The following TMEM150C variants were observed in gnomAD, a reference collection of about 807,000 sequenced individuals.
TMEM150C encodes the protein transmembrane protein 150C, also known as tentonin 3.
TMEM150C carries 10 observed loss-of-function variants against 29.9 expected under a neutral mutation model. The ratio of observed to expected loss-of-function variants is 0.33; its 90% CI spans 0.21 to 0.57. The LOEUF is 0.57. TMEM150C is among the 20% of genes least tolerant of loss of function. The pLI is 0.88. For missense variants in TMEM150C, 251 were observed against 303.6 expected (o/e 0.83, Z 1.29); for synonymous variants, 101 against 112.5 (o/e 0.90, Z 0.64).
intron 1 of TMEM150C, among the ~76,000 whole-genome samples, chr4:82,522,815 G>A (rs1222190952): frequency 6.6e-6 from 1 of 152,220 alleles, no homozygotes; most frequent in Non-Finnish European, 1.5e-5. Context: ...AAATATAAGG[G>A]GTAAGAGGGG....
chr4:82,513,175 T>G (rs1333263494), intron 1 of TMEM150C, among the ~76,000 whole-genome samples: 1 of 152,192 alleles, frequency 6.6e-6, no homozygotes, highest in Non-Finnish European at 1.5e-5. Flanking sequence ...CGAGAGACAC[T>G]TCATACAGGA....
chr4:82,522,682 A>T (rs994956811), intron 1 of TMEM150C, among the ~76,000 whole-genome samples: 2 of 152,234 alleles, frequency 1.3e-5, no homozygotes, highest in Admixed American at 6.5e-5. Context: ...GTACGGGGAC[A>T]TCTGCAATGT....
chr4:82,540,713 A>G (rs549985017), intron 1 of TMEM150C, among the ~76,000 whole-genome samples: 1 of 152,300 alleles, frequency 6.6e-6, no homozygotes, highest in East Asian at 1.9e-4. Flanking sequence ...TAATTGACAA[A>G]TAAAAGTTGT....
chr4:82,511,472 A>ATCTTTTTTTTTT (rs1724122435), intron 1 of TMEM150C, among the ~76,000 whole-genome samples: 1 of 106,390 alleles, frequency 9.4e-6, no homozygotes, highest in Non-Finnish European at 1.8e-5. Context: ...TCCCAACACT[A>ATCTTTTTTTTTT]TTTTTTTTTT....
At chr4:82,513,348 CCTGA>C (rs1351625788) in intron 1 of TMEM150C, among the ~76,000 whole-genome samples, 4 of 152,064 alleles carry the variant, frequency 2.6e-5, no homozygotes, top group African/African-American at 4.8e-5. Flanking sequence ...AGCAGAGGGG[CCTGA>C]CTGTTAGAAG....
At chr4:82,509,439 T>C (rs148567264) in intron 1 of TMEM150C, among the ~76,000 whole-genome samples, 1 of 152,306 alleles carries the variant, frequency 6.6e-6, no homozygotes, top group Non-Finnish European at 1.5e-5. Context: ...TATAAGCCCA[T>C]ATTAATTTAT....
chr4:82,502,921 A>C lies in TMEM150C; in HGVS notation c.141T>G (p.Pro47=), dbSNP rs1184857000. ...TTATATATGGTGCATGCTTCACACCAGGTTTCCTGGATAATAAAAAAAAAA... is the reference window on the plus strand; with the variant it reads ...TTATATATGGTGCATGCTTCACACCCGGTTTCCTGGATAATAAAAAAAAAA... ...ILPLNSAERK[P]GVKHAPYISI... Residue 47 remains proline (P), a synonymous_variant, in exon 4 of 8, where the codon CCT becomes CCG. Transcript: ENST00000449862. 6.3e-7 allele frequency: 1 copy of C among 1,594,130 alleles called. No homozygotes were observed. Among genetic ancestry groups the C allele is most frequent in the African/African-American group, 1.3e-5 (1 of 74,308 alleles).
chr4:82,552,880 A>G (rs1272734437), intron 1 of TMEM150C, among the ~76,000 whole-genome samples: 1 of 152,204 alleles, frequency 6.6e-6, no homozygotes, highest in Non-Finnish European at 1.5e-5. Context: ...GCAAAGGTCA[A>G]TGGTCTGTCT....
At chr4:82,538,277 C>G (rs928257721) in intron 1 of TMEM150C, among the ~76,000 whole-genome samples, 32 of 152,140 alleles carry the variant, frequency 2.1e-4, no homozygotes, top group African/African-American at 7.7e-4. Flanking sequence ...AGGCTGATCT[C>G]GAACTCCTGA....
At chr4:82,490,950 T>G (rs976995995) in intron 6 of TMEM150C, 6 of 727,244 alleles carry the variant, frequency 8.3e-6, no homozygotes, top group Non-Finnish European at 1.3e-5. Flanking sequence ...GTTTTTGTAA[T>G]TGGTCCTGAT....
At position 82,539,664 on chromosome 4, in the gene TMEM150C, G is replaced by A. The variant is rs890052254; in HGVS notation, c.-11+22242C>T. 2.0e-5 allele frequency among the ~76,000 whole-genome samples: 3 copies of A among 152,266 alleles called. No individual in the cohort carries two copies. In the South Asian group the frequency reaches 6.2e-4, roughly 32 times the overall value. On this transcript the variant is annotated intron_variant, in intron 1 of 7. Transcript: ENST00000449862. ...AGATGGTGTTTCACCGTGTTAGCCGGTATGGTCTTGATCTCCTGACCTCGT... is the reference window on the plus strand; with the variant it reads ...AGATGGTGTTTCACCGTGTTAGCCGATATGGTCTTGATCTCCTGACCTCGT...
chr4:82,494,662 C>A lies in TMEM150C; in HGVS notation c.363+1406G>T, dbSNP rs186239563. The A allele has an allele frequency of 2.0e-4, 35 of 178,306 alleles. No individual in the cohort carries two copies. The East Asian group carries it at 5.5e-3, about 28-fold the overall frequency. The allele number at this position is 178,306 out of a possible 1,614,324, so 11.0% of individuals were successfully genotyped here. A position where few individuals can be genotyped will look rare whatever the true frequency, so the allele number is the denominator to read the frequency against. On this transcript the variant is annotated intron_variant, in intron 6 of 7. Coordinates refer to ENST00000449862, the MANE Select transcript of TMEM150C (RefSeq NM_001080506.3). ...GTAGCTGCTTTTCTCAGTAGCCACA[C>A]TGTATTTCATAGGCATATGTAACAC... is the stretch of plus-strand genomic sequence containing the variant.
intron 1 of TMEM150C, among the ~76,000 whole-genome samples, chr4:82,515,478 C>T (rs1164706391): frequency 1.3e-5 from 2 of 152,108 alleles, no homozygotes; most frequent in East Asian, 1.9e-4. Context: ...GTGGCTCACG[C>T]TTGTAATCCC....
intron 1 of TMEM150C, among the ~76,000 whole-genome samples, chr4:82,526,531 C>T (rs1242120928): frequency 1.3e-5 from 2 of 152,176 alleles, no homozygotes; most frequent in African/African-American, 4.8e-5. Context: ...CATGGATTCT[C>T]TTATTAATCC....
chr4:82,496,968 G>A (rs756650195), intron 5 of TMEM150C, among the ~76,000 whole-genome samples: 61 of 152,304 alleles, frequency 4.0e-4, no homozygotes, highest in Non-Finnish European at 7.5e-4. Flanking sequence ...ATCGTACCTA[G>A]TATATCAAGA....
At chr4:82,494,252 C>T (rs972299166) in intron 6 of TMEM150C, among the ~76,000 whole-genome samples, 1 of 152,110 alleles carries the variant, frequency 6.6e-6, no homozygotes, top group African/African-American at 2.4e-5. Flanking sequence ...ATCAGTCAAC[C>T]ACTGTCATAG....
intron 1 of TMEM150C, among the ~76,000 whole-genome samples, chr4:82,545,342 A>G (rs866796616): frequency 7.9e-5 from 12 of 152,226 alleles, no homozygotes; most frequent in Admixed American, 3.9e-4. Flanking sequence ...AATACAATCC[A>G]ACATTCTTTC....
At chr4:82,520,340 C>T (rs1460787770) in intron 1 of TMEM150C, among the ~76,000 whole-genome samples, 5 of 152,204 alleles carry the variant, frequency 3.3e-5, no homozygotes, top group African/African-American at 7.2e-5. Flanking sequence ...TCAGCACCCA[C>T]AGTGTCCTCC....
chr4:82,515,054 T>C (rs1724248264), intron 1 of TMEM150C, among the ~76,000 whole-genome samples: 1 of 152,162 alleles, frequency 6.6e-6, no homozygotes, highest in Non-Finnish European at 1.5e-5. Context: ...ACAAAATCAC[T>C]CTGTCCATTA....
Sources: gnomAD v4.1 joint callset for allele counts (sites outside exome capture counted in the v4.1 genomes callset) on GRCh38, gnomAD v4.1.1 for gene constraint, MANE v1.5 for transcripts, NCBI Gene and HGNC (gene_info 2026-07-23, HGNC 2026-07-21) for gene names.